The following STXBP5L variants were observed in gnomAD, a reference collection of about 807,000 sequenced individuals.
STXBP5L encodes the protein syntaxin-binding protein 5-like.
A neutral mutation model predicts 144.5 loss-of-function variants in STXBP5L; 65 were observed. That is an observed-to-expected ratio of 0.45 (90% confidence interval 0.37 to 0.55). The LOEUF is 0.55. STXBP5L is among the 20% of genes least tolerant of loss of function. STXBP5L has a pLI of 0.00. For missense variants in STXBP5L, 1,298 were observed against 1,405.5 expected, an observed-to-expected ratio of 0.92 and a Z score of 1.22; for synonymous variants, 505 against 469.6, an observed-to-expected ratio of 1.08 and a Z score of -0.97.
At chr3:121,305,709 CTT>C (rs1202010973) in intron 19 of STXBP5L, among the ~76,000 whole-genome samples, 6 of 152,028 alleles carry the variant, frequency 3.9e-5, no homozygotes, top group East Asian at 3.9e-4. Flanking sequence ...GAAATACTGA[CTT>C]TTTTTTGTAG....
intron 5 of STXBP5L, among the ~76,000 whole-genome samples, chr3:121,063,975 C>T (rs1560080111): frequency 2.6e-5 from 4 of 152,160 alleles, no homozygotes; most frequent in African/African-American, 9.7e-5. Flanking sequence ...TCCCTGGCTT[C>T]AGCCCACTTT....
At chr3:120,973,542 T>C (rs1940532019) in intron 3 of STXBP5L, among the ~76,000 whole-genome samples, 3 of 152,028 alleles carry the variant, frequency 2.0e-5, no homozygotes, top group Admixed American at 2.0e-4. Flanking sequence ...TTTCTTTGAT[T>C]CTTTATATTT....
chr3:121,146,991 A>C (rs1018079646), intron 7 of STXBP5L, among the ~76,000 whole-genome samples: 4 of 152,112 alleles, frequency 2.6e-5, no homozygotes, highest in African/African-American at 9.6e-5. Context: ...AAAATACTCA[A>C]ATCTACAATT....
At chr3:120,933,459 CAA>C (rs1213094467) in intron 2 of STXBP5L, among the ~76,000 whole-genome samples, 2 of 151,818 alleles carry the variant, frequency 1.3e-5, no homozygotes, top group Admixed American at 6.6e-5. Flanking sequence ...GTCATACTGG[CAA>C]ACATAAATTG....
At chr3:121,098,579 A>G (rs1039606366) in intron 5 of STXBP5L, among the ~76,000 whole-genome samples, 4 of 152,222 alleles carry the variant, frequency 2.6e-5, no homozygotes, top group Admixed American at 6.5e-5. Context: ...TCACATTTCA[A>G]CATGAGATTT....
At chr3:120,929,938 C>T (rs1709836023) in intron 2 of STXBP5L, among the ~76,000 whole-genome samples, 1 of 150,978 alleles carries the variant, frequency 6.6e-6, no homozygotes, top group Non-Finnish European at 1.5e-5. Context: ...TTATTGGTTC[C>T]TAGTAATTTC....
chr3:121,121,557 A>T, intron 6 of STXBP5L, 84 bp from the exon 7 acceptor site: 5 of 966,948 alleles, frequency 5.2e-6, no homozygotes, highest in Non-Finnish European at 7.9e-6. Context: ...ATTCCAGTGT[A>T]ATCTTAATTT....
intron 3 of STXBP5L, among the ~76,000 whole-genome samples, chr3:120,961,454 T>C (rs1296245307): frequency 6.6e-6 from 1 of 152,078 alleles, no homozygotes; most frequent in East Asian, 1.9e-4. Flanking sequence ...CCCCAGTGTG[T>C]GATGTTCCCC....
At chr3:121,268,291 A>G (rs1433428148) in intron 18 of STXBP5L, among the ~76,000 whole-genome samples, 1 of 152,210 alleles carries the variant, frequency 6.6e-6, no homozygotes, top group African/African-American at 2.4e-5. Flanking sequence ...CATTCTCAGC[A>G]AACTAACACA....
chr3:120,930,179 T>TA (rs1491270900), intron 2 of STXBP5L, among the ~76,000 whole-genome samples: 2 of 144,712 alleles, frequency 1.4e-5, no homozygotes, highest in Non-Finnish European at 3.0e-5. Context: ...TTTTTTTTTT[T>TA]ATGAGAAAAT....
At chr3:121,202,953 TA>T (rs907907667) in intron 9 of STXBP5L, among the ~76,000 whole-genome samples, 3 of 152,114 alleles carry the variant, frequency 2.0e-5, no homozygotes, top group African/African-American at 7.2e-5. Context: ...ACCATTATTT[TA>T]AAAAATGTTT....
At chr3:120,949,013 A>G (rs1410325044) in intron 2 of STXBP5L, among the ~76,000 whole-genome samples, 2 of 151,908 alleles carry the variant, frequency 1.3e-5, no homozygotes, top group African/African-American at 4.8e-5. Context: ...GTACTAGTTT[A>G]TATTCCCACC....
At chr3:120,932,546 A>T (rs560761153) in intron 2 of STXBP5L, among the ~76,000 whole-genome samples, 8 of 151,900 alleles carry the variant, frequency 5.3e-5, no homozygotes, top group East Asian at 3.9e-4. Context: ...AGTGAATTTT[A>T]AAAAATTAAA....
chr3:120,954,863 G>C (rs1001993286), intron 2 of STXBP5L, 77 bp from the exon 3 acceptor site: 1 of 1,117,128 alleles, frequency 9.0e-7, no homozygotes, highest in African/African-American at 1.6e-5. Flanking sequence ...AGACATTCTG[G>C]TGGCTATATA....
chr3:120,915,600 A>T (rs980426487), intron 2 of STXBP5L, among the ~76,000 whole-genome samples: 3 of 152,092 alleles, frequency 2.0e-5, no homozygotes, highest in African/African-American at 7.2e-5. Context: ...TTTTAGTCTT[A>T]AAAGGAGGAT....
intron 19 of STXBP5L, among the ~76,000 whole-genome samples, chr3:121,287,524 G>A (rs983806407): frequency 1.2e-4 from 18 of 152,174 alleles, no homozygotes; most frequent in African/African-American, 3.9e-4. Context: ...TGAGACAACA[G>A]ATACGAAAGA....
chr3:120,908,783 C>T (rs1403345565), intron 1 of STXBP5L, among the ~76,000 whole-genome samples: 2 of 139,952 alleles, frequency 1.4e-5, no homozygotes, highest in African/African-American at 5.2e-5. Context: ...GAGAGCGCGG[C>T]GGCGGCTGCG....
At chr3:120,993,543 C>T (rs1463046875) in intron 3 of STXBP5L, among the ~76,000 whole-genome samples, 1 of 151,992 alleles carries the variant, frequency 6.6e-6, no homozygotes, top group Non-Finnish European at 1.5e-5. Context: ...CCAGTTTTCC[C>T]AACCCTGTTT....
At chr3:121,134,413 T>G (rs2107910490) in intron 7 of STXBP5L, among the ~76,000 whole-genome samples, 1 of 152,334 alleles carries the variant, frequency 6.6e-6, no homozygotes, top group South Asian at 2.1e-4. Context: ...ATTTCTTTTT[T>G]TTTAATTATA....
Sources: gnomAD v4.1 joint callset for allele counts (sites outside exome capture counted in the v4.1 genomes callset) on GRCh38, gnomAD v4.1.1 for gene constraint, MANE v1.5 for transcripts, NCBI Gene and HGNC (gene_info 2026-07-23, HGNC 2026-07-21) for gene names.